Variants in GCC2 observed in about 807,000 individuals in gnomAD.
GCC2 encodes the protein GRIP and coiled-coil domain-containing protein 2.
A neutral mutation model predicts 210.6 loss-of-function variants in GCC2; 120 were observed. That is an observed-to-expected ratio of 0.57 (90% CI 0.49 to 0.66). The LOEUF (loss-of-function observed/expected upper bound fraction) is 0.66, where lower values mean the gene tolerates loss of function less well. GCC2 is among the 30% of genes least tolerant of loss of function. GCC2 has a pLI of 0.00. For missense variants in GCC2, 1,868 were observed against 1,871.9 expected (o/e 1.00, Z 0.04); for synonymous variants, 703 against 652.7 (o/e 1.08, Z -1.17).
At chr2:108,505,706 G>C (rs1196767640) in intron 22 of GCC2, among the ~76,000 whole-genome samples, 2 of 151,666 alleles carry the variant, frequency 1.3e-5, no homozygotes, top group Admixed American at 6.6e-5. Flanking sequence ...CTTCAGATGA[G>C]ACCCCAGCCA....
chr2:108,482,678 T>A (rs1435387771), intron 11 of GCC2, among the ~76,000 whole-genome samples: 1 of 152,146 alleles, frequency 6.6e-6, no homozygotes, highest in African/African-American at 2.4e-5. Flanking sequence ...GTCAGATTTA[T>A]TTTATTTTAT....
chr2:108,507,619 G>A lies in GCC2; in HGVS notation c.5044G>A (p.Gly1682Arg), dbSNP rs1044948041. 1.3e-6 allele frequency: 2 copies of A among 1,589,660 alleles called. No homozygotes were observed. The highest frequency in any genetic ancestry group is 2.7e-5 in the African/African-American group (2 of 74,062). Reference protein sequence around the residue: ...GWASYLHSWSGLR With the variant: ...GWASYLHSWSRLR ...GGCATCCTATCTTCATAGTTGGTCT[G>A]GACTTCGATAGGTTGATGGAAGGAA... is the stretch of plus-strand genomic sequence containing the variant. The change falls in exon 23 of 23, where the codon GGA becomes AGA. Residue 1682 changes from glycine (G) to arginine (R), a missense_variant. Around this residue, in one of 3 missense-constraint regions of GCC2, gnomAD observed 20 missense variants for 28.2 expected, o/e 0.71. Coordinates refer to ENST00000309863, the MANE Select transcript of GCC2 (RefSeq NM_181453.4).
At chr2:108,490,590 A>C (rs1682360370) in intron 18 of GCC2, among the ~76,000 whole-genome samples, 1 of 151,134 alleles carries the variant, frequency 6.6e-6, no homozygotes, top group Non-Finnish European at 1.5e-5. Flanking sequence ...GGTGTTGATA[A>C]TTTTATCACA....
At chr2:108,473,063 C>T (rs1414149786) in intron 7 of GCC2, 164 bp downstream of exon 7, 1 of 491,274 alleles carries the variant, frequency 2.0e-6, no homozygotes. Flanking sequence ...ACCTGTTTGC[C>T]TTCTCTTTCA....
intron 3 of GCC2, among the ~76,000 whole-genome samples, chr2:108,451,912 C>T (rs1248817846): frequency 6.8e-6 from 1 of 148,108 alleles, no homozygotes; most frequent in Non-Finnish European, 1.5e-5. Flanking sequence ...GGCGCAATCT[C>T]GGCTTACTGC....
At chr2:108,487,943 G>A (rs1484647171) in intron 17 of GCC2, 123 bp downstream of exon 17, 2 of 950,426 alleles carry the variant, frequency 2.1e-6, no homozygotes, top group African/African-American at 2.3e-5. Flanking sequence ...TTTCGCTCTT[G>A]TTGCCCAGGC....
intron 3 of GCC2, 106 bp from the exon 4 acceptor site, chr2:108,452,293 C>G: frequency 1.4e-6 from 1 of 727,372 alleles, no homozygotes; most frequent in Middle Eastern, 3.7e-4. Flanking sequence ...TAAATATATT[C>G]TAATTTGCAG....
In GCC2 at chr2:108,471,149, A is replaced by G. The variant is rs1426501841; in HGVS notation, c.1820A>G (p.His607Arg). 3.8e-6 allele frequency: 6 copies of G among 1,591,208 alleles called. No individual in the cohort carries two copies. Among genetic ancestry groups the G allele is most frequent in the Non-Finnish European group, 5.2e-6 (6 of 1,164,676 alleles). ...TTTATAAATAAACTGAAAAATTCCC[A>G]TGAAGAAATGGATAATTTCCATAAG... ...DDFINKLKNS[H>R]EEMDNFHKKC... The change falls in exon 6 of 23, where the codon CAT (histidine) becomes CGT (arginine). Residue 607 changes from histidine (H) to arginine (R), a missense_variant. This residue lies in a region of GCC2 where 1,847 missense variants were observed against 1,765.2 expected (regional missense o/e 1.05). Transcript: ENST00000309863.
chr2:108,493,838 A>G (rs988387419), intron 19 of GCC2: 12 of 985,458 alleles, frequency 1.2e-5, no homozygotes, highest in South Asian at 4.7e-5. Context: ...ATTGTAATCT[A>G]GCAATCAGCA....
At chr2:108,457,819 C>T (rs1168518394) in intron 4 of GCC2, among the ~76,000 whole-genome samples, 1 of 151,880 alleles carries the variant, frequency 6.6e-6, no homozygotes, top group Non-Finnish European at 1.5e-5. Flanking sequence ...AGCAACCTTA[C>T]TGAATTTATC....
chr2:108,497,130 C>A, intron 21 of GCC2, 21 bp downstream of exon 21: 2 of 1,611,844 alleles, frequency 1.2e-6, no homozygotes, highest in Non-Finnish European at 1.7e-6. Flanking sequence ...AAAACCTGGC[C>A]GCCGTGAAAA....
chr2:108,451,139 A>C (rs762884066), intron 3 of GCC2, 27 bp downstream of exon 3: 2 of 1,302,934 alleles, frequency 1.5e-6, no homozygotes, highest in Non-Finnish European at 2.2e-6. Context: ...ACTCATCTTG[A>C]TCACAGTCTC....
chr2:108,499,335 C>G (rs6752149), intron 21 of GCC2, among the ~76,000 whole-genome samples: 86 of 151,786 alleles, frequency 5.7e-4, no homozygotes, highest in African/African-American at 1.9e-3. Flanking sequence ...AGTTGGAGTT[C>G]CGGTTTTCAT....
rs187649998 is a variant in GCC2 at position 108,506,409 on chromosome 2, A to C, written c.4985-1151A>C. 1.5e-3 allele frequency among the ~76,000 whole-genome samples: 228 copies of C among 152,316 alleles called. 1 individual carries two copies. The highest frequency in any genetic ancestry group is 2.5e-3 in the Non-Finnish European group (167 of 68,016). On this transcript the variant is annotated intron_variant, in intron 22 of 22. Coordinates refer to ENST00000309863, the MANE Select transcript of GCC2 (RefSeq NM_181453.4). Reference sequence around the variant, plus strand: ...GATTCTACTTATATGACACTCTGAAAAAAGCAGAACTATAAGGACAGAAAA... The same window carrying C: ...GATTCTACTTATATGACACTCTGAACAAAGCAGAACTATAAGGACAGAAAA...
Position 108,470,106 on chromosome 2 carries a change from T to C in GCC2, c.777T>C (p.Ile259=), listed in dbSNP as rs1463390892. The C allele has an allele frequency of 6.2e-7, 1 of 1,613,638 alleles. No homozygotes were observed. The highest frequency in any genetic ancestry group is 1.3e-5 in the African/African-American group (1 of 74,900). ...QEEVKELMCQ[I]EASAKEHEAE... is the part of the protein sequence containing the mutation. ...AGGTGAAAGAGTTGATGTGCCAGAT[T>C]GAAGCATCAGCTAAGGAACATGAAG... Residue 259 remains isoleucine (I), a synonymous_variant, in exon 6 of 23, where the codon ATT becomes ATC. Transcript: ENST00000309863.
chr2:108,498,183 C>CTTTTATTTTTT (rs1682738756), intron 21 of GCC2, among the ~76,000 whole-genome samples: 1 of 57,466 alleles, frequency 1.7e-5, no homozygotes, highest in African/African-American at 7.3e-5. Context: ...GTTATATTTT[C>CTTTTATTTTTT]TTTTTTTTTT....
At chr2:108,475,675 A>G (rs1425566695) in intron 8 of GCC2, 40 bp downstream of exon 8, 1 of 1,458,890 alleles carries the variant, frequency 6.9e-7, no homozygotes, top group South Asian at 1.2e-5. Flanking sequence ...GGAATCTCAC[A>G]TTTTTAAAAA....
intron 9 of GCC2, among the ~76,000 whole-genome samples, chr2:108,477,530 T>C (rs1197288332): frequency 6.6e-6 from 1 of 152,200 alleles, no homozygotes; most frequent in Non-Finnish European, 1.5e-5. Flanking sequence ...TCCAGATCTA[T>C]TGTTTCACCA....
intron 22 of GCC2, among the ~76,000 whole-genome samples, chr2:108,503,974 G>A (rs1395623137): frequency 6.6e-6 from 1 of 152,068 alleles, no homozygotes; most frequent in East Asian, 1.9e-4. Flanking sequence ...CAGATCTGGT[G>A]GCATGTGTCC....
Sources: allele counts gnomAD v4.1 joint callset (sites outside exome capture counted in the v4.1 genomes callset), GRCh38; gene constraint gnomAD v4.1.1; regional missense constraint gnomAD v4.1.1; transcripts MANE v1.5; gene names NCBI Gene and HGNC (gene_info 2026-07-23, HGNC 2026-07-21).